The following RYR1 variants were observed in gnomAD, a reference collection of about 807,000 sequenced individuals.
RYR1 encodes central core disease of muscle.
RYR1 carries 342 observed loss-of-function variants against 583.5 expected under a neutral mutation model. The observed-to-expected ratio is 0.59, with a 90% CI of 0.54 to 0.64. The LOEUF (loss-of-function observed/expected upper bound fraction) is 0.64, where lower values mean the gene tolerates loss of function less well. RYR1 is among the 30% of genes least tolerant of loss of function. The probability of loss-of-function intolerance (pLI) is 0.00; values close to 1 mark genes in which losing one functional copy is unlikely to be tolerated. For missense variants in RYR1, 6,032 were observed against 6,917.2 expected (o/e 0.87, Z 4.54); for synonymous variants, 2,791 against 2,822.5 (o/e 0.99, Z 0.35).
intron 37 of RYR1, among the ~76,000 whole-genome samples, chr19:38,491,336 C>T (rs142614245): frequency 1.9e-4 from 29 of 151,904 alleles, no homozygotes; most frequent in African/African-American, 6.3e-4. Context: ...TATTCAAATA[C>T]TTTTCTGCCC....
intron 24 of RYR1, 66 bp downstream of exon 24, chr19:38,466,464 G>A (rs900957274): frequency 2.2e-6 from 3 of 1,340,508 alleles, no homozygotes; most frequent in Non-Finnish European, 3.1e-6. Context: ...CCCGATCCCT[G>A]ATCTCTGACC....
In RYR1 at chr19:38,578,157, G is replaced by T. The variant is rs754844157; in HGVS notation, c.14317G>T (p.Asp4773Tyr). ...PGLLTWLMSI[D>Y]VKYQIWKFGV... ...CCGCCCCCACAGGCTCATGTCCATC[G>T]ATGTCAAGTACCAGATCTGGAAGTT... is the stretch of plus-strand genomic sequence containing the variant. Residue 4773 changes from aspartate to tyrosine, a missense_variant, in exon 99 of 106, where the codon GAT (aspartate) becomes TAT (tyrosine). Physicochemically the swap from Asp to Tyr is radical, Grantham distance 160. This residue lies in a region of RYR1 where 188 missense variants were observed against 215.6 expected (regional missense o/e 0.87). Coordinates refer to ENST00000359596, the MANE Select transcript of RYR1 (RefSeq NM_000540.3). 1 of 1,613,464 alleles carries T rather than the reference G, an allele frequency of 6.2e-7. No homozygotes were observed. The highest frequency in any genetic ancestry group is 1.7e-5 in the Admixed American group (1 of 59,904).
Position 38,498,287 on chromosome 19 carries a change from C to T in RYR1, c.6892-821C>T, listed in dbSNP as rs549772587. Among the ~76,000 whole-genome samples the T allele has an allele frequency of 6.6e-5, 10 of 152,160 alleles. No individual in the cohort carries two copies. The East Asian group carries it at 1.2e-3, about 18-fold the overall frequency. On this transcript the variant is annotated intron_variant, in intron 42 of 105. Transcript: ENST00000359596. The stretch of plus-strand genomic sequence containing the variant: ...GCCAGGATTCTGAGCAGAGGAGGGA[C>T]GTGACCTGACTCAGGTGTTCACAGG...
intron 91 of RYR1, among the ~76,000 whole-genome samples, chr19:38,566,048 A>G (rs916209309): frequency 1.3e-5 from 2 of 148,976 alleles, no homozygotes; most frequent in African/African-American, 2.5e-5. Flanking sequence ...GCAGGGCCGG[A>G]CAGAGTGCAG....
At chr19:38,515,345 G>A (rs1282725325) in intron 64 of RYR1, among the ~76,000 whole-genome samples, 1 of 152,178 alleles carries the variant, frequency 6.6e-6, no homozygotes, top group Non-Finnish European at 1.5e-5. Context: ...GGAAGAAAGG[G>A]AGGCGCAGAC....
Position 38,525,372 on chromosome 19 carries a change from G to A in RYR1, c.10496G>A (p.Arg3499Gln), listed in dbSNP as rs138324438. The change falls in exon 71 of 106, where the codon CGG (arginine) becomes CAG (glutamine). Residue 3499 changes from arginine to glutamine, a missense_variant. This residue lies in a region of RYR1 where 1,493 missense variants were observed against 1,715.5 expected (regional missense o/e 0.87). Transcript: ENST00000359596. ...SDQERTKKKR[R>Q]GDRYSVQTSL... is the part of the protein sequence containing the mutation. ...CAGGAACGCACCAAGAAGAAGCGCC[G>A]GGGGGACCGGTACTCTGTGCAGACG... 8 of 1,613,908 alleles carry A rather than the reference G, an allele frequency of 5.0e-6. No homozygotes were observed. The highest frequency in any genetic ancestry group is 4.4e-5 in the South Asian group (4 of 91,080).
chr19:38,587,426 C>T lies in RYR1; in HGVS notation c.*6C>T. The T allele has an allele frequency of 1.2e-6, 2 of 1,608,822 alleles. No homozygotes were observed. Among genetic ancestry groups the T allele is most frequent in the South Asian group, 2.2e-5 (2 of 90,930 alleles). ...ATGAGGACCAGCTTAGCTGACACAC[C>T]CCCAGCTGGCCCTCCACCCCCACCT... On this transcript the variant is annotated 3_prime_UTR_variant, in exon 106 of 106. Transcript: ENST00000359596.
chr19:38,460,899 C>G (rs1217184784), intron 20 of RYR1, among the ~76,000 whole-genome samples: 1 of 152,080 alleles, frequency 6.6e-6, no homozygotes, highest in Non-Finnish European at 1.5e-5. Context: ...GCAGGAGAAT[C>G]GCTTGAACCC....
rs76537615 is a variant in RYR1 at position 38,483,476 on chromosome 19, C to T, written c.4894C>T (p.Pro1632Ser). 1,630 of 1,562,580 alleles carry T rather than the reference C, an allele frequency of 1.0e-3. 8 individuals carry two copies. The African/African-American group carries it at 0.02, about 19-fold the overall frequency. ...GGGCTGGGCCGTGCAGTGCCAGGAG[C>T]CGCTGACCATGATGGCGCTGCACAT... Reference protein sequence around the residue: ...RLGWAVQCQEPLTMMALHIPE... With the variant: ...RLGWAVQCQESLTMMALHIPE... Residue 1632 changes from proline to serine, a missense_variant, in exon 33 of 106, where the codon CCG becomes TCG. By Grantham distance (74) the Pro-to-Ser change is moderately conservative (BLOSUM62 -1). Coordinates refer to ENST00000359596, the MANE Select transcript of RYR1 (RefSeq NM_000540.3). The surrounding 1 kb of genome is among the most constrained non-coding windows in gnomAD (Gnocchi z 6.3).
Position 38,561,296 on chromosome 19 carries a change from G to A in RYR1, c.12466G>A (p.Asp4156Asn). ...LTNLSEHVPH[D>N]PRLHNFLELA... ...CAACCTGTCGGAGCATGTGCCGCAT[G>A]ACCCTCGCCTGCACAACTTCCTGGA... is the stretch of plus-strand genomic sequence containing the variant. The change falls in exon 90 of 106, where the codon GAC becomes AAC. Residue 4156 changes from aspartate to asparagine, a missense_variant. Physicochemically the swap from Asp to Asn is conservative, Grantham distance 23. Coordinates refer to ENST00000359596, the MANE Select transcript of RYR1 (RefSeq NM_000540.3). The surrounding 1 kb of genome is among the most constrained non-coding windows in gnomAD (Gnocchi z 4.8). The A allele has an allele frequency of 6.2e-7, 1 of 1,614,018 alleles. No individual in the cohort carries two copies. Among genetic ancestry groups the A allele is most frequent in the Non-Finnish European group, 8.5e-7 (1 of 1,180,028 alleles).
chr19:38,504,734 C>T lies in RYR1; in HGVS notation c.8068-14C>T, dbSNP rs57376136. ...ATAGCGACCTCCTACCCCTGCTTCA[C>T]CCGGTTTTCCCAGAAATACGACCCG... On this transcript the variant is annotated splice_polypyrimidine_tract_variant and intron_variant, in intron 50 of 105. Coordinates refer to ENST00000359596, the MANE Select transcript of RYR1 (RefSeq NM_000540.3). 1,516 of 1,613,850 alleles carry T rather than the reference C, an allele frequency of 9.4e-4. 11 individuals are homozygous for T. In the African/African-American group the frequency reaches 0.018, roughly 20 times the overall value.
chr19:38,573,464 G>A (rs1009674217), intron 96 of RYR1, among the ~76,000 whole-genome samples, 157 bp downstream of exon 96: 4 of 152,008 alleles, frequency 2.6e-5, no homozygotes, highest in East Asian at 1.9e-4. Context: ...GGCGGATCAC[G>A]AGGTCAGGAG....
intron 83 of RYR1, among the ~76,000 whole-genome samples, chr19:38,537,435 T>A (rs1387939365): frequency 6.6e-6 from 1 of 152,128 alleles, no homozygotes; most frequent in East Asian, 1.9e-4. Context: ...CCCCATCCCT[T>A]ATCCCTCCCA....
At chr19:38,466,068 A>T in intron 23 of RYR1, 23 bp from the exon 24 acceptor site, 1 of 1,594,404 alleles carries the variant, frequency 6.3e-7, no homozygotes, top group Middle Eastern at 1.7e-4. Context: ...GCCTTGTCCC[A>T]TGGAGCCCTA....
intron 24 of RYR1, 81 bp downstream of exon 24, chr19:38,466,479 T>A: frequency 1.5e-4 from 146 of 961,422 alleles, no homozygotes; most frequent in Non-Finnish European, 2.0e-4. Context: ...CTGACCTGAC[T>A]CAGCCCCCAA....
At chr19:38,507,093 G>A (rs545340367) in intron 57 of RYR1, 141 bp downstream of exon 57, 1 of 1,372,934 alleles carries the variant, frequency 7.3e-7, no homozygotes, top group South Asian at 1.3e-5. Flanking sequence ...GAGGAGCTAA[G>A]GGAGTGGGGC....
intron 18 of RYR1, among the ~76,000 whole-genome samples, chr19:38,458,814 A>G (rs1264969573): frequency 2.0e-5 from 3 of 152,078 alleles, no homozygotes; most frequent in Non-Finnish European, 2.9e-5. Flanking sequence ...TAGTAGAGAC[A>G]GGGTTTCACC....
At position 38,517,555 on chromosome 19, in the gene RYR1, C is replaced by T. The variant is rs142610625; in HGVS notation, c.9882C>T (p.Ser3294=). Residue 3294 remains serine (S), a synonymous_variant, in exon 66 of 106, where the codon TCC becomes TCT. Coordinates refer to ENST00000359596, the MANE Select transcript of RYR1 (RefSeq NM_000540.3). ...WWERGPEAPP[S]ALPAGAPPPC... ...AGCGCGGGCCCGAGGCACCCCCTTC[C>T]GCCCTGCCCGCCGGCGCCCCCCCAC... The T allele has an allele frequency of 1.2e-3, 1,943 of 1,613,784 alleles. 7 individuals are homozygous for T. The African/African-American group carries it at 0.014, about 11-fold the overall frequency.
At chr19:38,461,720 T>TAAA (rs1967754057) in intron 20 of RYR1, among the ~76,000 whole-genome samples, 1 of 20,244 alleles carries the variant, frequency 4.9e-5, no homozygotes, top group African/African-American at 2.8e-4. Context: ...AGCAAAACCC[T>TAAA]GAAAAAAAAA....
Sources: gnomAD v4.1 joint callset for allele counts (sites outside exome capture counted in the v4.1 genomes callset) on GRCh38, gnomAD v4.1.1 for gene constraint, gnomAD v4.1.1 regional missense constraint, Gnocchi (gnomAD v3.1) non-coding constraint, MANE v1.5 for transcripts, NCBI Gene and HGNC (gene_info 2026-07-23, HGNC 2026-07-21) for gene names.